Variants in IRAG2 observed in about 807,000 individuals in gnomAD.
IRAG2 encodes inositol 1,4,5-triphosphate receptor associated 2.
IRAG2 carries 45 observed loss-of-function variants against 69.9 expected under a neutral mutation model. That is an observed-to-expected ratio of 0.64 (90% CI 0.51 to 0.83). The LOEUF (loss-of-function observed/expected upper bound fraction) is 0.83. Among genes scored for constraint, IRAG2 ranks in the 40% least tolerant of loss-of-function variants. The probability of loss-of-function intolerance (pLI) is 0.00; values close to 1 mark genes in which losing one functional copy is unlikely to be tolerated. For missense variants in IRAG2, 520 were observed against 587.0 expected (o/e 0.89, Z 1.18); for synonymous variants, 193 against 202.4 (o/e 0.95, Z 0.40).
exon 3 of IRAG2, chr12:25,011,397 A>G (rs699039): frequency 0.23 from 286,399 of 1,231,352 alleles, 35,336 homozygotes; most frequent in Non-Finnish European, 0.25. Context: ...CAAAATAATC[A>G]ATTTCCTGAG....
At chr12:25,013,906 G>C (rs190603749) in intron 3 of IRAG2, among the ~76,000 whole-genome samples, 2,213 of 100,768 alleles carry the variant, frequency 0.022, 69 homozygotes, top group African/African-American at 0.075. Context: ...ACAGAGTCTC[G>C]CTCTGTTGCC....
intron 1 of IRAG2, among the ~76,000 whole-genome samples, chr12:25,054,652 G>A (rs902881631): frequency 6.6e-6 from 1 of 152,148 alleles, no homozygotes; most frequent in African/African-American, 2.4e-5. Context: ...ATAACGTAGA[G>A]TGGACACTTC....
intron 20 of IRAG2, among the ~76,000 whole-genome samples, chr12:25,105,756 C>A (rs1353372048): frequency 2.6e-5 from 4 of 152,090 alleles, no homozygotes; most frequent in African/African-American, 9.7e-5. Flanking sequence ...CCTTGAGAAT[C>A]TTACAGAAAT....
At chr12:25,084,828 C>T (rs12320282) in intron 10 of IRAG2, among the ~76,000 whole-genome samples, 1,993 of 152,268 alleles carry the variant, frequency 0.013, 43 homozygotes, top group African/African-American at 0.045. Context: ...CCACAGATAC[C>T]AAAATCAGAG....
intron 8 of IRAG2, among the ~76,000 whole-genome samples, chr12:25,025,455 C>CA (rs1944613378): frequency 1.3e-5 from 2 of 152,108 alleles, no homozygotes; most frequent in Non-Finnish European, 2.9e-5. Context: ...GCTGGAGGGT[C>CA]CAGACACAAG....
chr12:25,006,899 T>C (rs887321427), intron 2 of IRAG2, among the ~76,000 whole-genome samples: 3 of 152,166 alleles, frequency 2.0e-5, no homozygotes, highest in Non-Finnish European at 4.4e-5. Flanking sequence ...TAATTTTAAG[T>C]ATATAAATGA....
chr12:25,006,486 C>G (rs1944431185), intron 2 of IRAG2: 1 of 152,154 alleles, frequency 6.6e-6, no homozygotes, highest in African/African-American at 2.4e-5. Flanking sequence ...TGACCATGAA[C>G]AGAAGACTGG....
rs10629974 is a variant in IRAG2, at chr12:25,081,151, GTCTC to G, written c.244+1399_244+1402del. ...TTGTAATAAAACTTATGTGAATGTGGTCTCTCTCTCTCTCAAAATATATTATTGT... is the reference window on the plus strand; with the variant it reads ...TTGTAATAAAACTTATGTGAATGTGGTCTCTCTCTCAAAATATATTATTGT... On this transcript the variant is annotated intron_variant, in intron 9 of 21. Coordinates refer to ENST00000556887, the MANE Select transcript of IRAG2 (RefSeq NM_001366544.2). Among the ~76,000 whole-genome samples the G allele has an allele frequency of 2.3e-3, 351 of 151,660 alleles. 2 individuals carry two copies. Among genetic ancestry groups the G allele is most frequent in the African/African-American group, 8.0e-3 (329 of 41,348 alleles).
chr12:25,012,060 AAGG>A (rs1312497060), intron 3 of IRAG2, among the ~76,000 whole-genome samples: 1 of 152,028 alleles, frequency 6.6e-6, no homozygotes, highest in African/African-American at 2.4e-5. Flanking sequence ...GAAAAAGGTA[AAGG>A]AGGAGAAGGG....
chr12:25,081,097 TAATAA>T (rs1356466049), intron 9 of IRAG2, among the ~76,000 whole-genome samples: 3 of 152,302 alleles, frequency 2.0e-5, no homozygotes, highest in East Asian at 1.9e-4. Flanking sequence ...CAATAACTAG[TAATAA>T]AATAGAACAA....
chr12:25,004,814 T>G (rs1270163381), exon 1 of IRAG2: 76 of 1,232,044 alleles, frequency 6.2e-5, no homozygotes, highest in Non-Finnish European at 7.6e-5. Context: ...GAAAATAATT[T>G]TAGTACCTTA....
rs190955884 is a variant in IRAG2 at position 25,010,934 on chromosome 12, T to C, written c.689-410T>C. Reference sequence around the variant, plus strand: ...AAAAGTAGAAATTTTCACTTGAGATTGAAATTTTAACTAAAGTAGAGAAAA... The same window carrying C: ...AAAAGTAGAAATTTTCACTTGAGATCGAAATTTTAACTAAAGTAGAGAAAA... On this transcript the variant is annotated intron_variant, in intron 2 of 38. Coordinates refer to the IRAG2 transcript ENST00000636465. Among the ~76,000 whole-genome samples, 251 of 152,362 alleles carry C rather than the reference T, an allele frequency of 1.6e-3. 2 individuals are homozygous for C. The highest frequency in any genetic ancestry group is 5.8e-3 in the African/African-American group (242 of 41,586).
upstream of IRAG2, among the ~76,000 whole-genome samples, chr12:25,002,790 T>C (rs988128470): frequency 6.6e-6 from 1 of 152,052 alleles, no homozygotes; most frequent in Non-Finnish European, 1.5e-5. Flanking sequence ...TACAGTCGCC[T>C]GCCACCATGC....
intron 1 of IRAG2, among the ~76,000 whole-genome samples, chr12:25,056,870 A>G (rs1178708431): frequency 2.0e-5 from 3 of 152,192 alleles, no homozygotes; most frequent in Non-Finnish European, 2.9e-5. Flanking sequence ...GAAAATTAAA[A>G]TAAGTGTCTG....
At chr12:25,038,114 T>C (rs1258395798) in exon 16 of IRAG2, 5 of 398,744 alleles carry the variant, frequency 1.3e-5, no homozygotes, top group South Asian at 1.3e-4. Flanking sequence ...AATATTTTTA[T>C]TTCAGAAAAG....
At chr12:25,105,649 A>G (rs896858602) in intron 20 of IRAG2, among the ~76,000 whole-genome samples, 7 of 151,872 alleles carry the variant, frequency 4.6e-5, no homozygotes, top group African/African-American at 1.7e-4. Flanking sequence ...GGAAAAAAAA[A>G]TCAGTTCAAG....
upstream of IRAG2, among the ~76,000 whole-genome samples, chr12:25,050,043 A>G (rs1367709701): frequency 6.8e-6 from 1 of 146,648 alleles, no homozygotes; most frequent in Non-Finnish European, 1.5e-5. Flanking sequence ...GAATGGCGTT[A>G]GCTTGGGAGG....
chr12:25,084,298 A>G (rs1440573057), intron 10 of IRAG2, among the ~76,000 whole-genome samples: 1 of 152,088 alleles, frequency 6.6e-6, no homozygotes, highest in Non-Finnish European at 1.5e-5. Flanking sequence ...GGCAAGGCAG[A>G]CAGATCACTT....
chr12:25,051,716 G>A (rs543093310), upstream of IRAG2, among the ~76,000 whole-genome samples: 2 of 152,310 alleles, frequency 1.3e-5, no homozygotes, highest in South Asian at 2.1e-4. Flanking sequence ...GCCTGGGGGC[G>A]GTCCTTCCTG....
Sources: allele counts gnomAD v4.1 joint callset (sites outside exome capture counted in the v4.1 genomes callset), GRCh38; gene constraint gnomAD v4.1.1; transcripts MANE v1.5; gene names NCBI Gene and HGNC (gene_info 2026-07-23, HGNC 2026-07-21).